The following UNC80 variants were observed in gnomAD, a reference collection of about 807,000 sequenced individuals.
UNC80 encodes protein unc-80 homolog.
UNC80 carries 164 observed loss-of-function variants against 384.6 expected under a neutral mutation model. That is an observed-to-expected ratio of 0.43 (90% confidence interval 0.38 to 0.49). The LOEUF (loss-of-function observed/expected upper bound fraction) is 0.49. Ranked by LOEUF, UNC80 falls within the 20% of genes least tolerant of loss-of-function variation. The pLI is 0.00. For synonymous variants in UNC80, 1,486 were observed against 1,527.8 expected, an observed-to-expected ratio of 0.97 and a Z score of 0.64; for missense variants, 3,330 against 4,143.0, an observed-to-expected ratio of 0.80 and a Z score of 5.39.
chr2:209,927,090 A>G (rs960528438), intron 36 of UNC80, 104 bp downstream of exon 36: 16 of 1,254,456 alleles, frequency 1.3e-5, no homozygotes, highest in Non-Finnish European at 1.4e-5. Context: ...CCACATGTTG[A>G]ACTGTTTTAT....
chr2:209,980,733 G>A (rs2093137409), intron 59 of UNC80, among the ~76,000 whole-genome samples: 1 of 152,156 alleles, frequency 6.6e-6, no homozygotes, highest in Non-Finnish European at 1.5e-5. Context: ...TAGTTATGTA[G>A]AGGAGATGAG....
intron 22 of UNC80, among the ~76,000 whole-genome samples, chr2:209,854,707 A>G (rs940854229): frequency 6.6e-6 from 1 of 152,212 alleles, no homozygotes; most frequent in African/African-American, 2.4e-5. Context: ...GCTCAACATC[A>G]TTGATCATCA....
At chr2:209,857,602 T>C (rs867526796) in intron 22 of UNC80, among the ~76,000 whole-genome samples, 4 of 152,142 alleles carry the variant, frequency 2.6e-5, no homozygotes, top group Admixed American at 2.0e-4. Flanking sequence ...TTTTCTCTCA[T>C]GCTTTGGGCT....
chr2:209,903,210 T>C (rs2087630891), intron 28 of UNC80, among the ~76,000 whole-genome samples: 1 of 148,480 alleles, frequency 6.7e-6, no homozygotes, highest in Non-Finnish European at 1.5e-5. Context: ...GGGGGGATAT[T>C]TTGGAATATT....
chr2:209,955,724 TATATATATATATATACACACACAC>T (rs2092381668), intron 48 of UNC80, among the ~76,000 whole-genome samples: 2 of 80,886 alleles, frequency 2.5e-5, no homozygotes, highest in African/African-American at 1.7e-4. Flanking sequence ...TATATATATA[TATATATATATATATACACACACAC>T]ACACACACAC....
intron 15 of UNC80, 28 bp from the exon 16 acceptor site, chr2:209,831,415 G>T: frequency 6.5e-7 from 1 of 1,533,432 alleles, no homozygotes; most frequent in Non-Finnish European, 8.8e-7. Context: ...AGGAAACATT[G>T]TCTTTAATTT....
chr2:209,961,645 TCAAAG>T (rs1354864768), intron 51 of UNC80, among the ~76,000 whole-genome samples: 2 of 152,110 alleles, frequency 1.3e-5, no homozygotes, highest in Admixed American at 1.3e-4. Context: ...TTCTTAGTTA[TCAAAG>T]CAAAGAATGA....
chr2:209,817,759 G>T, intron 10 of UNC80, 53 bp from the exon 11 acceptor site: 2 of 1,546,326 alleles, frequency 1.3e-6, no homozygotes, highest in Non-Finnish European at 1.7e-6. Flanking sequence ...TATCTTGGCA[G>T]AATAACTTTC....
rs574897561 is a variant in UNC80 at position 209,888,172 on chromosome 2, G to T, written c.4188G>T (p.Gly1396=). The change falls in exon 26 of 65, where the codon GGG becomes GGT. Residue 1396 remains glycine, a synonymous_variant. Coordinates refer to ENST00000673920, the MANE Select transcript of UNC80 (RefSeq NM_001371986.1). ...HRYERKISFA[G]VLDENEDSKD... is the part of the protein sequence containing the mutation. ...ATGAGAGGAAGATCAGCTTTGCTGG[G>T]GTCCTGGACGAAAATGAAGACTCAA... 9 of 1,551,640 alleles carry T rather than the reference G, an allele frequency of 5.8e-6. No individual in the cohort carries two copies. The East Asian group carries it at 2.0e-4, about 34-fold the overall frequency.
rs189150816 is a variant in UNC80, at chr2:209,917,693, T to C, written c.5030-84T>C. On this transcript the variant is annotated intron_variant, in intron 31 of 64. Transcript: ENST00000673920. Reference sequence around the variant, plus strand: ...TAGCTCAGGAGTCATTTTCAGAAGATAGAAGCAGTTTCCACTTCTCCCCAA... The same window carrying C: ...TAGCTCAGGAGTCATTTTCAGAAGACAGAAGCAGTTTCCACTTCTCCCCAA... 119 of 1,461,850 alleles carry C rather than the reference T, an allele frequency of 8.1e-5. No homozygotes were observed. In the East Asian group the frequency reaches 2.0e-3, roughly 24 times the overall value. 90.6% of individuals were successfully genotyped at this position (1,461,850 alleles called of 1,614,324 possible).
intron 4 of UNC80, among the ~76,000 whole-genome samples, chr2:209,780,407 G>T (rs927562378): frequency 6.6e-6 from 1 of 152,154 alleles, no homozygotes. Flanking sequence ...AAGCTGTAGA[G>T]AATAAAAAGC....
At chr2:209,960,122 G>C (rs2092544826) in intron 51 of UNC80, among the ~76,000 whole-genome samples, 1 of 152,032 alleles carries the variant, frequency 6.6e-6, no homozygotes, top group African/African-American at 2.4e-5. Flanking sequence ...CTGCTTCTAG[G>C]GTCCCTAAAA....
chr2:209,818,845 G>C (rs2079934338), intron 11 of UNC80, 148 bp from the exon 12 acceptor site: 1 of 879,016 alleles, frequency 1.1e-6, no homozygotes, highest in Non-Finnish European at 1.7e-6. Flanking sequence ...AGTCCCATGA[G>C]AGCTGAGACT....
At chr2:209,960,616 C>CT (rs200644412) in intron 51 of UNC80, among the ~76,000 whole-genome samples, 7,802 of 152,176 alleles carry the variant, frequency 0.051, 650 homozygotes, top group African/African-American at 0.18. Context: ...TGGTTATTGC[C>CT]TTTTTTTAAA....
chr2:209,793,243 G>A (rs17803541), intron 6 of UNC80, among the ~76,000 whole-genome samples: 6,534 of 152,218 alleles, frequency 0.043, 186 homozygotes, highest in Middle Eastern at 0.088. Context: ...CATTGTGTCC[G>A]ATTAGAAAAG....
rs183782726 is a variant in UNC80 at position 209,852,083 on chromosome 2, T to C, written c.3627+2460T>C. 9.9e-5 allele frequency among the ~76,000 whole-genome samples: 15 copies of C among 152,186 alleles called. No homozygotes were observed. The East Asian group carries it at 2.9e-3, about 29-fold the overall frequency. ...ATCAAGTAAAGAGGCATTTTCTCAT[T>C]AGCATATGTGTCCACTGACTGAGTA... On this transcript the variant is annotated intron_variant, in intron 22 of 64. Coordinates refer to ENST00000673920, the MANE Select transcript of UNC80 (RefSeq NM_001371986.1).
intron 61 of UNC80, among the ~76,000 whole-genome samples, chr2:209,990,179 C>T (rs547888156): frequency 5.3e-5 from 8 of 152,236 alleles, no homozygotes; most frequent in Non-Finnish European, 7.4e-5. Flanking sequence ...TTTAACACTC[C>T]CTGAGTAACA....
At chr2:209,862,649 CTTTTTTTT>C (rs71043955) in intron 22 of UNC80, among the ~76,000 whole-genome samples, 1 of 78,824 alleles carries the variant, frequency 1.3e-5, no homozygotes, top group East Asian at 2.9e-4. Flanking sequence ...GCAACCTCTG[CTTTTTTTT>C]TTTTTTTTTT....
Position 209,917,894 on chromosome 2 carries a change from C to A in UNC80, c.5147C>A (p.Thr1716Lys). The A allele has an allele frequency of 8.4e-6, 13 of 1,551,794 alleles. No homozygotes were observed. The highest frequency in any genetic ancestry group is 1.1e-5 in the Non-Finnish European group (13 of 1,147,014). ...CTGAACGCTGTCCTCAAGTTCCACA[C>A]GCTCTGGAGGTTTCGCTATCAGGTC... ...QRLNAVLKFH[T>K]LWRFRYQVWP... Residue 1716 changes from threonine to lysine, a missense_variant, in exon 32 of 65, where the codon ACG (threonine) becomes AAG (lysine). Around this residue, in one of 8 missense-constraint regions of UNC80, gnomAD observed 801 missense variants for 950.8 expected, o/e 0.84. Transcript: ENST00000673920.
Sources: allele counts gnomAD v4.1 joint callset (sites outside exome capture counted in the v4.1 genomes callset), GRCh38; gene constraint gnomAD v4.1.1; regional missense constraint gnomAD v4.1.1; transcripts MANE v1.5; gene names NCBI Gene and HGNC (gene_info 2026-07-23, HGNC 2026-07-21).